Variants in SPAG9 observed in about 807,000 individuals in gnomAD.
SPAG9 encodes the protein sperm associated antigen 9.
Under a neutral mutation model 166.5 loss-of-function variants are expected in SPAG9, and 35 were observed. The observed-to-expected ratio is 0.21, with a 90% confidence interval of 0.16 to 0.28. The LOEUF (loss-of-function observed/expected upper bound fraction) is 0.28, where lower values mean the gene tolerates loss of function less well. Among genes scored for constraint, SPAG9 ranks in the 10% least tolerant of loss-of-function variants. SPAG9 has a pLI of 1.00. For synonymous variants in SPAG9, 534 were observed against 565.5 expected (o/e 0.94, Z 0.79); for missense variants, 1,235 against 1,603.3 (o/e 0.77, Z 3.92).
At chr17:51,004,662 G>A (rs890852077) in intron 12 of SPAG9, among the ~76,000 whole-genome samples, 1 of 152,112 alleles carries the variant, frequency 6.6e-6, no homozygotes, top group Non-Finnish European at 1.5e-5. Context: ...CCTGGGAGGT[G>A]GAAGTTGTAG....
At chr17:51,095,670 GTATATA>G (rs138822075) in intron 1 of SPAG9, among the ~76,000 whole-genome samples, 1 of 144,848 alleles carries the variant, frequency 6.9e-6, no homozygotes, top group Non-Finnish European at 1.5e-5. Flanking sequence ...AAAAAAATGT[GTATATA>G]TATATATAGT....
chr17:51,065,389 C>A (rs1215324377), intron 2 of SPAG9, among the ~76,000 whole-genome samples: 2 of 151,988 alleles, frequency 1.3e-5, no homozygotes, highest in South Asian at 4.2e-4. Flanking sequence ...CAAGTATGAG[C>A]AAATTATGTC....
chr17:51,076,240 T>C (rs1022286868), intron 2 of SPAG9, among the ~76,000 whole-genome samples: 1 of 145,702 alleles, frequency 6.9e-6, no homozygotes, highest in Non-Finnish European at 1.5e-5. Flanking sequence ...CTGGGCAACA[T>C]GGCGAAACCC....
At chr17:51,006,917 C>A (rs2045244651) in intron 10 of SPAG9, among the ~76,000 whole-genome samples, 1 of 151,770 alleles carries the variant, frequency 6.6e-6, no homozygotes, top group Non-Finnish European at 1.5e-5. Context: ...AAAAGAAACC[C>A]CAGGAGAAGA....
chr17:51,009,147 G>A (rs1027931840), intron 9 of SPAG9: 12 of 452,666 alleles, frequency 2.7e-5, no homozygotes, highest in African/African-American at 1.2e-4. Flanking sequence ...ATTCCCCTAC[G>A]TAAGCAGCCC....
At position 50,996,311 on chromosome 17, in the gene SPAG9, G is replaced by T. The variant is rs532425398; in HGVS notation, c.1968+254C>A. The T allele has an allele frequency of 1.2e-4, 53 of 425,628 alleles. 1 individual carries two copies. In the South Asian group the frequency reaches 2.4e-3, roughly 19 times the overall value. The allele number at this position is 425,628 out of a possible 1,614,324, so 26.4% of individuals were successfully genotyped here. On this transcript the variant is annotated intron_variant, in intron 16 of 29. Coordinates refer to ENST00000262013, the MANE Select transcript of SPAG9 (RefSeq NM_001130528.3). ...AATTGCTCTGGTTACAGCAGAGCGG[G>T]TACCTCAAACTCCATGCACTTAGCC...
intron 22 of SPAG9, 40 bp from the exon 23 acceptor site, chr17:50,985,818 A>T: frequency 8.7e-7 from 1 of 1,149,604 alleles, no homozygotes; most frequent in South Asian, 1.3e-5. Flanking sequence ...CATAGAGAAC[A>T]TCAAGACATT....
intron 9 of SPAG9, among the ~76,000 whole-genome samples, chr17:51,013,774 T>C (rs188087590): frequency 6.6e-6 from 1 of 152,178 alleles, no homozygotes; most frequent in African/African-American, 2.4e-5. Flanking sequence ...AAACATAATA[T>C]ACTCTGAGAA....
chr17:51,026,699 A>G, intron 6 of SPAG9, among the ~76,000 whole-genome samples: 1 of 139,090 alleles, frequency 7.2e-6, no homozygotes, highest in African/African-American at 2.7e-5. Flanking sequence ...TTTTGAGACG[A>G]AGTTTCGCTC....
At chr17:51,028,877 G>A (rs543917327) in intron 6 of SPAG9, among the ~76,000 whole-genome samples, 1 of 152,202 alleles carries the variant, frequency 6.6e-6, no homozygotes, top group African/African-American at 2.4e-5. Context: ...CACTTGCCAG[G>A]TTGTGCTGTT....
rs578128897 is a variant in SPAG9, at chr17:51,042,854, T to G, written c.591-1203A>C. ...ATAAAATTTAAAAACAGAACTTTGA[T>G]TTAGGGGGAAAATTCAAAAGCAGGA... On this transcript the variant is annotated intron_variant, in intron 4 of 29. Transcript: ENST00000262013. 1.4e-4 allele frequency among the ~76,000 whole-genome samples: 21 copies of G among 152,250 alleles called. No individual in the cohort carries two copies. In the South Asian group the frequency reaches 3.9e-3, roughly 29 times the overall value.
At chr17:51,112,839 GT>G (rs1485736874) in intron 1 of SPAG9, among the ~76,000 whole-genome samples, 2 of 151,408 alleles carry the variant, frequency 1.3e-5, no homozygotes, top group Non-Finnish European at 2.9e-5. Flanking sequence ...GCCAGGCATG[GT>G]GGCGCATGCC....
At chr17:50,970,908 G>GTT in intron 28 of SPAG9, 52 bp from the exon 29 acceptor site, 8 of 1,376,074 alleles carry the variant, frequency 5.8e-6, no homozygotes, top group East Asian at 2.4e-5. Context: ...AAGGGAGGCT[G>GTT]TTTTGTTTTT....
intron 1 of SPAG9, among the ~76,000 whole-genome samples, chr17:51,089,661 TATACAC>T (rs1568077527): frequency 1.0e-5 from 1 of 97,930 alleles, no homozygotes; most frequent in Non-Finnish European, 2.1e-5. Flanking sequence ...TATATATATA[TATACAC>T]ATACACACAC....
At chr17:51,025,119 G>C (rs1184550333) in intron 6 of SPAG9, among the ~76,000 whole-genome samples, 2 of 151,532 alleles carry the variant, frequency 1.3e-5, no homozygotes, top group Admixed American at 6.6e-5. Context: ...AGGAGTTCCA[G>C]ACCAGCTTGG....
At chr17:51,032,378 G>C (rs1394964671) in intron 5 of SPAG9, among the ~76,000 whole-genome samples, 1 of 152,050 alleles carries the variant, frequency 6.6e-6, no homozygotes, top group African/African-American at 2.4e-5. Flanking sequence ...TGCCCAGGCT[G>C]GTCTTGAACT....
chr17:51,110,673 C>T (rs928732037), intron 1 of SPAG9, among the ~76,000 whole-genome samples: 1 of 151,580 alleles, frequency 6.6e-6, no homozygotes, highest in Non-Finnish European at 1.5e-5. Flanking sequence ...TGGGCCAGAC[C>T]TTGTCTCGAA....
At chr17:51,110,714 T>C (rs1208684914) in intron 1 of SPAG9, among the ~76,000 whole-genome samples, 5 of 152,120 alleles carry the variant, frequency 3.3e-5, no homozygotes, top group African/African-American at 1.2e-4. Context: ...TTCTATACCC[T>C]CAACTTGGTA....
At chr17:50,983,028 C>T (rs568683882) in intron 24 of SPAG9, among the ~76,000 whole-genome samples, 1 of 152,162 alleles carries the variant, frequency 6.6e-6, no homozygotes, top group Non-Finnish European at 1.5e-5. Flanking sequence ...CTCTCAGTCA[C>T]GTGCATTTTG....
Sources: allele counts gnomAD v4.1 joint callset (sites outside exome capture counted in the v4.1 genomes callset), GRCh38; gene constraint gnomAD v4.1.1; transcripts MANE v1.5; gene names NCBI Gene and HGNC (gene_info 2026-07-23, HGNC 2026-07-21).